Variants in MMP15 observed in about 807,000 individuals in gnomAD.
MMP15 encodes matrix metalloproteinase-15.
MMP15 carries 36 observed loss-of-function variants against 65.0 expected under a neutral mutation model. That is an observed-to-expected ratio of 0.55 (90% CI 0.42 to 0.73). The LOEUF (loss-of-function observed/expected upper bound fraction) is 0.73, where lower values mean the gene tolerates loss of function less well. Ranked by LOEUF, MMP15 falls within the 30% of genes least tolerant of loss-of-function variation. MMP15 has a pLI of 0.00. For missense variants in MMP15, 870 were observed against 987.8 expected (o/e 0.88, Z 1.60); for synonymous variants, 428 against 410.2 (o/e 1.04, Z -0.52).
chr16:58,040,421 T>C, intron 4 of MMP15, 116 bp from the exon 5 acceptor site: 1 of 1,336,214 alleles, frequency 7.5e-7, no homozygotes, highest in Non-Finnish European at 1.0e-6. Context: ...GCTCAGCCTC[T>C]TCCAAGAGGG....
chr16:58,030,648 G>T (rs1425897293), intron 1 of MMP15, among the ~76,000 whole-genome samples: 1 of 152,142 alleles, frequency 6.6e-6, no homozygotes, highest in East Asian at 1.9e-4. Flanking sequence ...GCACTGCCTT[G>T]TCCTTCCCCT....
At chr16:58,030,878 C>T (rs1963882533) in intron 1 of MMP15, among the ~76,000 whole-genome samples, 1 of 152,038 alleles carries the variant, frequency 6.6e-6, no homozygotes, top group South Asian at 2.1e-4. Flanking sequence ...AAGGGAATAG[C>T]AATGGTCTAT....
At chr16:58,040,282 G>A (rs1316564822) in intron 4 of MMP15, 100 bp downstream of exon 4, 3 of 1,280,826 alleles carry the variant, frequency 2.3e-6, no homozygotes, top group Non-Finnish European at 2.1e-6. Context: ...GCTGGGAGGA[G>A]AGAGTTCCCC....
At chr16:58,034,327 C>T (rs779900193) in intron 1 of MMP15, among the ~76,000 whole-genome samples, 2 of 152,222 alleles carry the variant, frequency 1.3e-5, no homozygotes, top group Non-Finnish European at 1.5e-5. Flanking sequence ...ACGCTGCCCA[C>T]CTGCAGGCAG....
At chr16:58,027,385 C>T (rs936901661) in intron 1 of MMP15, among the ~76,000 whole-genome samples, 4 of 152,248 alleles carry the variant, frequency 2.6e-5, no homozygotes, top group Non-Finnish European at 5.9e-5. Flanking sequence ...CCGAAGGCGC[C>T]AGCTTTCTTG....
At position 58,026,124 on chromosome 16, in the gene MMP15, G is replaced by A. The variant is rs1963809643; in HGVS notation, c.-227G>A. 7.3e-6 allele frequency: 3 copies of A among 409,250 alleles called. No homozygotes were observed. Among genetic ancestry groups the A allele is most frequent in the African/African-American group, 2.1e-5 (1 of 48,448 alleles). The allele number at this position is 409,250 out of a possible 1,614,324, so 25.4% of individuals were successfully genotyped here. On this transcript the variant is annotated 5_prime_UTR_variant, in exon 1 of 10. Transcript: ENST00000219271. Reference sequence around the variant, plus strand: ...CGGAACCTCGCCGGGGGCAGCTCCGGTCGGCCCCCTTTCCCGCCGGCTGGT... The same window carrying A: ...CGGAACCTCGCCGGGGGCAGCTCCGATCGGCCCCCTTTCCCGCCGGCTGGT...
intron 2 of MMP15, among the ~76,000 whole-genome samples, chr16:58,038,019 C>T (rs919474388): frequency 2.6e-5 from 4 of 152,210 alleles, no homozygotes; most frequent in Non-Finnish European, 5.9e-5. Context: ...AGGCCTTGAG[C>T]GAACCCTCCA....
intron 5 of MMP15, among the ~76,000 whole-genome samples, chr16:58,041,200 CTG>C (rs1397290012): frequency 6.6e-6 from 1 of 152,218 alleles, no homozygotes; most frequent in Non-Finnish European, 1.5e-5. Context: ...GTCCTGCACT[CTG>C]TGCCCACACC....
At chr16:58,037,012 A>G (rs1959341422) in intron 1 of MMP15, among the ~76,000 whole-genome samples, 1 of 152,208 alleles carries the variant, frequency 6.6e-6, no homozygotes, top group Admixed American at 6.5e-5. Flanking sequence ...GACCTCTTAG[A>G]TAAGGTGGTA....
At chr16:58,044,510 T>G (rs1448436799) in intron 9 of MMP15, among the ~76,000 whole-genome samples, 1 of 152,192 alleles carries the variant, frequency 6.6e-6, no homozygotes, top group Admixed American at 6.5e-5. Context: ...CTGCAGCCGC[T>G]CTGATCTCTT....
chr16:58,026,151 C>T lies in MMP15; in HGVS notation c.-200C>T. On this transcript the variant is annotated 5_prime_UTR_variant, in exon 1 of 10. Transcript: ENST00000219271. ...CGGCCCCCTTTCCCGCCGGCTGGTT[C>T]CGAGCTCCCGGACCTGCCCTGCCCG... 2.0e-6 allele frequency: 1 copy of T among 496,410 alleles called. No individual in the cohort carries two copies. The highest frequency in any genetic ancestry group is 3.1e-6 in the Non-Finnish European group (1 of 319,666). 30.8% of individuals were successfully genotyped at this position (496,410 alleles called of 1,614,324 possible).
At chr16:58,043,180 A>T (rs1228882146) in intron 7 of MMP15, 30 bp from the exon 8 acceptor site, 9 of 1,549,808 alleles carry the variant, frequency 5.8e-6, no homozygotes, top group Non-Finnish European at 7.9e-6. Flanking sequence ...CCCAGGCCTG[A>T]CCTCACTGTG....
Position 58,038,348 on chromosome 16 carries a change from T to C in MMP15, c.394T>C (p.Tyr132His). ...KANLRRRRKR[Y>H]ALTGRKWNNH... Reference sequence around the variant, plus strand: ...CAACCTGCGGCGGCGTCGGAAGCGCTACGCCCTCACCGGGAGGAAGTGGAA... The same window carrying C: ...CAACCTGCGGCGGCGTCGGAAGCGCCACGCCCTCACCGGGAGGAAGTGGAA... The change falls in exon 3 of 10, where the codon TAC becomes CAC. Residue 132 changes from tyrosine (Y) to histidine (H), a missense_variant. Physicochemically the swap from Tyr to His is moderately conservative, Grantham distance 83 (BLOSUM62 2). Transcript: ENST00000219271. 2 of 1,614,058 alleles carry C rather than the reference T, an allele frequency of 1.2e-6. No individual in the cohort carries two copies. Among genetic ancestry groups the C allele is most frequent in the Admixed American group, 1.7e-5 (1 of 60,020 alleles).
At chr16:58,032,112 G>T (rs41337044) in intron 1 of MMP15, among the ~76,000 whole-genome samples, 2 of 152,094 alleles carry the variant, frequency 1.3e-5, no homozygotes, top group South Asian at 2.1e-4. Flanking sequence ...TGATCTGCCC[G>T]CCTCGGCCTC....
chr16:58,040,714 C>A lies in MMP15; in HGVS notation c.910+16C>A. ...CAGCTCTACGGTGCGTGGGCTGTGA[C>A]CAGCGGGCTCTGCATGCCGCTCTCA... On this transcript the variant is annotated intron_variant, in intron 5 of 9. Coordinates refer to ENST00000219271, the MANE Select transcript of MMP15 (RefSeq NM_002428.4). 6 of 1,613,828 alleles carry A rather than the reference C, an allele frequency of 3.7e-6. No homozygotes were observed. The highest frequency in any genetic ancestry group is 5.1e-6 in the Non-Finnish European group (6 of 1,180,042).
At chr16:58,036,974 G>C (rs1395327123) in intron 1 of MMP15, among the ~76,000 whole-genome samples, 1 of 152,242 alleles carries the variant, frequency 6.6e-6, no homozygotes. Context: ...GGGTATAGCT[G>C]ATGGGGCCTT....
intron 1 of MMP15, among the ~76,000 whole-genome samples, chr16:58,027,629 C>T (rs1963840427): frequency 6.6e-6 from 1 of 152,194 alleles, no homozygotes; most frequent in African/African-American, 2.4e-5. Flanking sequence ...GCTTTCCCAC[C>T]TCTCCGGGCT....
chr16:58,035,795 C>T (rs553048033), intron 1 of MMP15, among the ~76,000 whole-genome samples: 33 of 152,288 alleles, frequency 2.2e-4, no homozygotes, highest in Admixed American at 1.5e-3. Context: ...GCTGTGGCTG[C>T]GCATCCAGTC....
intron 1 of MMP15, among the ~76,000 whole-genome samples, chr16:58,030,163 T>G (rs1020662440): frequency 2.0e-5 from 3 of 152,220 alleles, no homozygotes; most frequent in Non-Finnish European, 4.4e-5. Flanking sequence ...ATGTGTTTTC[T>G]GAGTCAGCAA....
Sources: allele counts gnomAD v4.1 joint callset (sites outside exome capture counted in the v4.1 genomes callset), GRCh38; gene constraint gnomAD v4.1.1; transcripts MANE v1.5; gene names NCBI Gene and HGNC (gene_info 2026-07-23, HGNC 2026-07-21).